NAA11: variants seen among roughly 807,000 people sequenced by gnomAD.
NAA11 encodes N-alpha-acetyltransferase 11, NatA catalytic subunit.
In NAA11, 15 loss-of-function variants were observed where a neutral mutation model predicts 16.1. That is an observed-to-expected ratio of 0.93 (90% confidence interval 0.62 to 1.44). The LOEUF (loss-of-function observed/expected upper bound fraction) is 1.44. NAA11 is among the 40% of genes most tolerant of loss of function. The probability of loss-of-function intolerance (pLI) is 0.00; values close to 1 mark genes in which losing one functional copy is unlikely to be tolerated. For missense variants in NAA11, 298 were observed against 291.3 expected (o/e 1.02, Z -0.17); for synonymous variants, 122 against 112.4 (o/e 1.09, Z -0.54).
At chr4:79,183,269 G>A in the NAA11 span, among the ~76,000 whole-genome samples, 1 of 152,114 alleles carries the variant, frequency 6.6e-6, no homozygotes, top group Non-Finnish European at 1.5e-5. Context: ...TGGGAAAAAA[G>A]TTTCTGTTTT....
intron 2 of NAA11, among the ~76,000 whole-genome samples, chr4:79,235,132 T>G (rs578108782): frequency 6.6e-6 from 1 of 152,228 alleles, no homozygotes; most frequent in East Asian, 1.9e-4. Flanking sequence ...AGCTGTCTTT[T>G]GGTCTAGAAG....
At chr4:79,233,391 G>T (rs1450118410) in intron 2 of NAA11, among the ~76,000 whole-genome samples, 1 of 151,894 alleles carries the variant, frequency 6.6e-6, no homozygotes, top group Non-Finnish European at 1.5e-5. Context: ...TATTGATTTT[G>T]TCTGTATAGC....
intron 2 of NAA11, among the ~76,000 whole-genome samples, chr4:79,248,216 C>G (rs1215368382): frequency 1.3e-5 from 2 of 152,084 alleles, no homozygotes; most frequent in African/African-American, 4.8e-5. Flanking sequence ...TAGACCGGGC[C>G]TAATTGTCAG....
chr4:79,314,144 G>C (rs114947430), downstream of NAA11, among the ~76,000 whole-genome samples: 2 of 152,196 alleles, frequency 1.3e-5, no homozygotes, highest in South Asian at 4.1e-4. Flanking sequence ...AATGTGTGTC[G>C]AATGTTCACA....
chr4:79,209,205 A>T, the NAA11 span, among the ~76,000 whole-genome samples: 2 of 152,172 alleles, frequency 1.3e-5, no homozygotes, highest in Admixed American at 1.3e-4. Flanking sequence ...TAAATGAGTT[A>T]GGATCACTCC....
the NAA11 span, among the ~76,000 whole-genome samples, chr4:79,191,465 C>A: frequency 6.6e-6 from 1 of 151,964 alleles, no homozygotes; most frequent in African/African-American, 2.4e-5. Flanking sequence ...GGCTTGTTGG[C>A]TGCATGTATG....
intron 2 of NAA11, among the ~76,000 whole-genome samples, chr4:79,258,267 A>G (rs1430404384): frequency 6.6e-6 from 1 of 152,262 alleles, no homozygotes. Flanking sequence ...TCCACAGAGC[A>G]GGACCCCTGA....
At chr4:79,212,411 A>G in the NAA11 span, among the ~76,000 whole-genome samples, 3 of 152,190 alleles carry the variant, frequency 2.0e-5, no homozygotes, top group African/African-American at 7.2e-5. Flanking sequence ...GGGATGTTAT[A>G]AAAGTAGGAA....
chr4:79,189,582 C>CA, the NAA11 span, among the ~76,000 whole-genome samples: 1 of 152,152 alleles, frequency 6.6e-6, no homozygotes, highest in Admixed American at 6.5e-5. Context: ...CTGAGACCTA[C>CA]ACTGTGTTCT....
chr4:79,250,287 G>C (rs1261486716), intron 2 of NAA11, among the ~76,000 whole-genome samples: 1 of 152,222 alleles, frequency 6.6e-6, no homozygotes, highest in Admixed American at 6.5e-5. Context: ...CATAGGAAGA[G>C]GGCTGAAGCC....
intron 1 of NAA11, among the ~76,000 whole-genome samples, chr4:79,303,089 T>G (rs1398899769): frequency 1.1e-4 from 4 of 37,742 alleles, no homozygotes; most frequent in African/African-American, 3.4e-4. Context: ...TATATATATA[T>G]ATATATATAT....
At chr4:79,238,207 A>C (rs1395892589) in intron 2 of NAA11, among the ~76,000 whole-genome samples, 1 of 152,236 alleles carries the variant, frequency 6.6e-6, no homozygotes, top group Non-Finnish European at 1.5e-5. Context: ...GATGAAGAGC[A>C]GTTGTTTGTT....
the NAA11 span, among the ~76,000 whole-genome samples, chr4:79,182,278 G>T: frequency 6.6e-6 from 1 of 152,184 alleles, no homozygotes; most frequent in African/African-American, 2.4e-5. Flanking sequence ...TATGTCTGTT[G>T]TGTATTCATG....
At chr4:79,223,120 T>A (rs1721229702), downstream of NAA11, among the ~76,000 whole-genome samples, 1 of 150,678 alleles carries the variant, frequency 6.6e-6, no homozygotes, top group Non-Finnish European at 1.5e-5. Flanking sequence ...GGAAATACCA[T>A]TTGACCCAGC....
the NAA11 span, among the ~76,000 whole-genome samples, chr4:79,189,522 G>A: frequency 9.8e-5 from 15 of 152,320 alleles, no homozygotes; most frequent in Admixed American, 5.9e-4. Flanking sequence ...AGACATGACT[G>A]GTGGCCTTTT....
At chr4:79,242,030 A>C (rs1417034654) in intron 2 of NAA11, among the ~76,000 whole-genome samples, 1 of 152,196 alleles carries the variant, frequency 6.6e-6, no homozygotes, top group Non-Finnish European at 1.5e-5. Flanking sequence ...CTGCTATTCC[A>C]ATGTGTTTCT....
chr4:79,271,717 G>A (rs1290617438), intron 2 of NAA11, among the ~76,000 whole-genome samples: 2 of 152,020 alleles, frequency 1.3e-5, no homozygotes, highest in South Asian at 2.1e-4. Flanking sequence ...ATGTTGAAAT[G>A]TTGAATTTCT....
downstream of NAA11, among the ~76,000 whole-genome samples, chr4:79,314,647 A>T (rs969442829): frequency 1.6e-5 from 2 of 124,642 alleles, no homozygotes; most frequent in African/African-American, 3.8e-5. Flanking sequence ...AAATTAAAAA[A>T]AAAAAAAAAA....
At chr4:79,199,200 T>C in the NAA11 span, among the ~76,000 whole-genome samples, 1 of 151,910 alleles carries the variant, frequency 6.6e-6, no homozygotes, top group African/African-American at 2.4e-5. Context: ...AATTCTGCCA[T>C]TTAAGTAACA....
Sources: allele counts gnomAD v4.1 joint callset (sites outside exome capture counted in the v4.1 genomes callset), GRCh38; gene constraint gnomAD v4.1.1; transcripts MANE v1.5; gene names NCBI Gene and HGNC (gene_info 2026-07-23, HGNC 2026-07-21).